The following RHOF variants were observed in gnomAD, a reference collection of about 807,000 sequenced individuals.
RHOF encodes ras homolog family member F, filopodia associated.
In RHOF, 21 loss-of-function variants were observed where a neutral mutation model predicts 22.2. The observed-to-expected ratio is 0.95, with a 90% CI of 0.67 to 1.36. RHOF has a LOEUF of 1.36. Among genes scored for constraint, RHOF ranks in the 40% most tolerant of loss-of-function variants. The pLI is 0.00. For synonymous variants in RHOF, 135 were observed against 131.2 expected (o/e 1.03, Z -0.20); for missense variants, 285 against 293.7 (o/e 0.97, Z 0.22).
chr12:121,786,501 C>G (rs1053328229), intron 2 of RHOF, among the ~76,000 whole-genome samples: 1 of 152,166 alleles, frequency 6.6e-6, no homozygotes. Flanking sequence ...AAGTCAGCCC[C>G]GGGGCGCTGG....
At chr12:121,779,959 C>T in intron 4 of RHOF, 1 of 353,466 alleles carries the variant, frequency 2.8e-6, no homozygotes, top group Non-Finnish European at 5.3e-6. Context: ...AGGTGTCTCC[C>T]AGGCCTGTGA....
At chr12:121,785,792 T>G (rs1874593009) in intron 2 of RHOF, among the ~76,000 whole-genome samples, 1 of 152,066 alleles carries the variant, frequency 6.6e-6, no homozygotes, top group South Asian at 2.1e-4. Context: ...TTTTGTACTT[T>G]TAGTAGAGAC....
intron 2 of RHOF, chr12:121,782,605 C>T (rs1592956322): frequency 6.6e-6 from 1 of 152,332 alleles, no homozygotes; most frequent in African/African-American, 2.4e-5. Context: ...AGTGGCCTCT[C>T]CACGGAGTAC....
At chr12:121,780,416 T>C in intron 4 of RHOF, 2 of 215,400 alleles carry the variant, frequency 9.3e-6, no homozygotes, top group African/African-American at 2.3e-5. Context: ...TTTGCATTCC[T>C]TTTATTCTGT....
At chr12:121,783,275 C>T (rs1290253069) in intron 2 of RHOF, among the ~76,000 whole-genome samples, 1 of 151,298 alleles carries the variant, frequency 6.6e-6, no homozygotes, top group African/African-American at 2.4e-5. Flanking sequence ...CATATCCTGG[C>T]CCCCTCTCCA....
intron 2 of RHOF, among the ~76,000 whole-genome samples, chr12:121,790,699 T>TAGCCACCTCCCCTGAGCCC (rs1174609038): frequency 1.3e-5 from 2 of 152,100 alleles, no homozygotes; most frequent in Non-Finnish European, 2.9e-5. Flanking sequence ...ACTGTGAGGC[T>TAGCCACCTCCCCTGAGCCC]AGCCACCTCC....
chr12:121,792,103 G>A (rs547137376), intron 2 of RHOF, among the ~76,000 whole-genome samples: 34 of 132,286 alleles, frequency 2.6e-4, no homozygotes, highest in African/African-American at 1.0e-3. Context: ...CGGAATGGAG[G>A]GGGGCTCTGA....
chr12:121,793,491 C>T lies in RHOF; in HGVS notation c.138+5G>A, dbSNP rs1457594933. 1.9e-6 allele frequency: 3 copies of T among 1,541,116 alleles called. No homozygotes were observed. The highest frequency in any genetic ancestry group is 2.4e-5 in the East Asian group (1 of 40,904). On this transcript the variant is annotated splice_donor_5th_base_variant and intron_variant, in intron 1 of 4. Coordinates refer to ENST00000267205, the MANE Select transcript of RHOF (RefSeq NM_019034.3). ...CCCCCACCCCAGCCCCGCTGCGGGC[C>T]TCACCTCGGGGAAGGAGCCCTGGCT...
intron 4 of RHOF, chr12:121,780,010 CCT>C (rs1169839137): frequency 8.5e-6 from 2 of 234,360 alleles, no homozygotes; most frequent in Admixed American, 5.1e-5. Flanking sequence ...CTTCCAGCCA[CCT>C]CTCTCCCTTC....
At chr12:121,787,334 C>T (rs1035053226) in intron 2 of RHOF, among the ~76,000 whole-genome samples, 4 of 152,168 alleles carry the variant, frequency 2.6e-5, no homozygotes, top group Non-Finnish European at 5.9e-5. Context: ...ACAGTTCTTC[C>T]TGTTAAGAAC....
intron 2 of RHOF, 169 bp from the exon 3 acceptor site, chr12:121,781,361 C>T: frequency 1.6e-6 from 1 of 613,060 alleles, no homozygotes; most frequent in Non-Finnish European, 2.8e-6. Context: ...GTCGCAGCTA[C>T]TCGGGAGGCT....
Position 121,781,162 on chromosome 12 carries a change from A to G in RHOF, c.257T>C (p.Leu86Pro), listed in dbSNP as rs1874441852. The change falls in exon 3 of 5, where the codon CTG (leucine) becomes CCG (proline). Residue 86 changes from leucine (L) to proline (P), a missense_variant. Transcript: ENST00000267205. ...GQEDYDRLRP[L>P]SYQNTHLVLI... ...CACGAGGTGGGTGTTCTGGTAGGAC[A>G]GGGGCCGCAGCCGGTCATAGTCTTC... 3.7e-6 allele frequency: 6 copies of G among 1,614,144 alleles called. No individual in the cohort carries two copies. Among genetic ancestry groups the G allele is most frequent in the East Asian group, 2.2e-5 (1 of 44,886 alleles).
rs776647972 is a variant in RHOF at position 121,779,516 on chromosome 12, C to T, written c.618G>A (p.Arg206=). Residue 206 remains arginine, a synonymous_variant, in exon 5 of 5, where the codon CGG becomes CGA. Transcript: ENST00000267205. The part of the protein sequence containing the change: ...LKKAQRQKKR[R]LCLLL The stretch of plus-strand genomic sequence containing the variant: ...CCCTGGGTCAGAGCAGCAGGCAGAG[C>T]CGGCGCTTCTTCTGCCGTTGCGCCT... The T allele has an allele frequency of 5.6e-6, 9 of 1,612,592 alleles. No individual in the cohort carries two copies. The highest frequency in any genetic ancestry group is 7.6e-6 in the Non-Finnish European group (9 of 1,180,020).
intron 2 of RHOF, among the ~76,000 whole-genome samples, chr12:121,784,637 A>T (rs1874560206): frequency 6.6e-6 from 1 of 152,130 alleles, no homozygotes; most frequent in African/African-American, 2.4e-5. Context: ...AGAACCTGAG[A>T]GTCACAGAAA....
Position 121,779,582 on chromosome 12 carries a change from G to C in RHOF, c.552C>G (p.Val184=). The part of the protein sequence containing the change: ...SAKFRENVED[V]FREAAKVALS... The stretch of plus-strand genomic sequence containing the variant: ...GAGCCACCTTGGCGGCCTCCCGGAA[G>C]ACGTCCTCCACATTCTCCCGAAACT... Residue 184 remains valine, a synonymous_variant, in exon 5 of 5, where the codon GTC becomes GTG. Coordinates refer to ENST00000267205, the MANE Select transcript of RHOF (RefSeq NM_019034.3). The C allele has an allele frequency of 6.2e-7, 1 of 1,614,192 alleles. No homozygotes were observed. Among genetic ancestry groups the C allele is most frequent in the Non-Finnish European group, 8.5e-7 (1 of 1,180,044 alleles).
chr12:121,784,318 A>G (rs537555248), intron 2 of RHOF, among the ~76,000 whole-genome samples: 8 of 151,762 alleles, frequency 5.3e-5, no homozygotes, highest in Non-Finnish European at 5.9e-5. Flanking sequence ...AGGCCGAGGC[A>G]GGGGGATCAC....
At chr12:121,786,355 A>G (rs1874609939) in intron 2 of RHOF, among the ~76,000 whole-genome samples, 2 of 152,092 alleles carry the variant, frequency 1.3e-5, no homozygotes, top group Admixed American at 1.3e-4. Flanking sequence ...CATGTCAGCC[A>G]AGGTTGTTCC....
chr12:121,788,296 C>T (rs919863160), intron 2 of RHOF, among the ~76,000 whole-genome samples: 1 of 152,088 alleles, frequency 6.6e-6, no homozygotes, highest in Non-Finnish European at 1.5e-5. Context: ...AATCCTCACC[C>T]TACTTGTCCC....
At chr12:121,781,344 G>A in intron 2 of RHOF, 152 bp from the exon 3 acceptor site, 1 of 656,744 alleles carries the variant, frequency 1.5e-6, no homozygotes, top group Non-Finnish European at 2.6e-6. Flanking sequence ...GCTGGCACAG[G>A]CCTGTGGTCG....
Sources: allele counts gnomAD v4.1 joint callset (sites outside exome capture counted in the v4.1 genomes callset), GRCh38; gene constraint gnomAD v4.1.1; transcripts MANE v1.5; gene names NCBI Gene and HGNC (gene_info 2026-07-23, HGNC 2026-07-21).